The following ELN variants were observed in gnomAD, a reference collection of about 807,000 sequenced individuals.
ELN encodes the protein elastin, also known as tropoelastin.
Under a neutral mutation model 105.8 loss-of-function variants are expected in ELN, and 65 were observed. That is an observed-to-expected ratio of 0.61 (90% CI 0.50 to 0.75). The LOEUF (loss-of-function observed/expected upper bound fraction) is 0.75. ELN is among the 30% of genes least tolerant of loss of function. ELN has a pLI of 0.00. For missense variants in ELN, 882 were observed against 969.4 expected, an observed-to-expected ratio of 0.91 and a Z score of 1.20; for synonymous variants, 368 against 389.2, an observed-to-expected ratio of 0.95 and a Z score of 0.64.
At chr7:74,060,234 G>C in intron 24 of ELN, 50 bp downstream of exon 24, 1 of 1,614,024 alleles carries the variant, frequency 6.2e-7, no homozygotes, top group Non-Finnish European at 8.5e-7. Flanking sequence ...TCTCAGAGCT[G>C]GTTAGGGGCA....
intron 25 of ELN, 83 bp from the exon 26 acceptor site, chr7:74,061,018 G>T: frequency 6.4e-7 from 1 of 1,551,670 alleles, no homozygotes; most frequent in Non-Finnish European, 8.9e-7. Context: ...AGGAAGTCAG[G>T]GAGGGCTCTC....
chr7:74,042,307 A>G (rs1791417644), intron 5 of ELN, among the ~76,000 whole-genome samples: 1 of 151,912 alleles, frequency 6.6e-6, no homozygotes, highest in South Asian at 2.1e-4. Flanking sequence ...ATGCACCTGT[A>G]GTTCCACCTA....
At chr7:74,057,270 T>C (rs1263148374) in intron 21 of ELN, 1 of 839,096 alleles carries the variant, frequency 1.2e-6, no homozygotes. Context: ...AGAAAAAGAA[T>C]TGAAGGTGCC....
intron 29 of ELN, among the ~76,000 whole-genome samples, chr7:74,064,214 G>C (rs1470555281): frequency 2.6e-5 from 4 of 151,604 alleles, no homozygotes; most frequent in Non-Finnish European, 5.9e-5. Flanking sequence ...GTCAGATCAA[G>C]ACCATCCTGG....
intron 15 of ELN, among the ~76,000 whole-genome samples, chr7:74,050,594 CA>C (rs1447992404): frequency 6.6e-6 from 1 of 151,240 alleles, no homozygotes; most frequent in Non-Finnish European, 1.5e-5. Flanking sequence ...CCCATCCATC[CA>C]TTCACCCATG....
At chr7:74,037,520 C>A (rs782475023) in intron 3 of ELN, among the ~76,000 whole-genome samples, 187 bp from the exon 4 acceptor site, 6 of 152,192 alleles carry the variant, frequency 3.9e-5, no homozygotes, top group African/African-American at 9.7e-5. Flanking sequence ...GGCTGAGACT[C>A]TGGGACTCAG....
chr7:74,051,673 C>T (rs1291527854), intron 15 of ELN, 77 bp from the exon 16 acceptor site: 10 of 1,546,930 alleles, frequency 6.5e-6, no homozygotes, highest in East Asian at 2.3e-5. Flanking sequence ...GTGAAAACGC[C>T]GGCGTCTAAG....
At chr7:74,060,782 G>A (rs933704290) in intron 25 of ELN, among the ~76,000 whole-genome samples, 1 of 152,236 alleles carries the variant, frequency 6.6e-6, no homozygotes, top group Non-Finnish European at 1.5e-5. Context: ...GAAGGAGCAG[G>A]TAGATCAGCC....
At chr7:74,065,905 T>C (rs1164728869) in intron 30 of ELN, 39 bp from the exon 31 acceptor site, 2 of 1,614,024 alleles carry the variant, frequency 1.2e-6, no homozygotes, top group East Asian at 2.2e-5. Flanking sequence ...CTCTTCCCGA[T>C]GGGGGTGTCT....
At chr7:74,036,208 T>G (rs1789906231) in intron 2 of ELN, among the ~76,000 whole-genome samples, 1 of 151,592 alleles carries the variant, frequency 6.6e-6, no homozygotes, top group African/African-American at 2.4e-5. Flanking sequence ...GAGAATGATG[T>G]GATTGAACCC....
intron 11 of ELN, 41 bp from the exon 12 acceptor site, chr7:74,046,655 G>A (rs1554672372): frequency 6.2e-7 from 1 of 1,609,460 alleles, no homozygotes; most frequent in Non-Finnish European, 8.5e-7. Flanking sequence ...GGGTTTGGAA[G>A]GGGGTGCTGG....
intron 3 of ELN, among the ~76,000 whole-genome samples, chr7:74,037,494 CA>C (rs1790248559): frequency 6.6e-6 from 1 of 152,164 alleles, no homozygotes; most frequent in Admixed American, 6.5e-5. Flanking sequence ...ACCCCCAGCC[CA>C]TCATCCCCTT....
At chr7:74,056,626 C>T in intron 20 of ELN, 46 bp from the exon 21 acceptor site, 2 of 1,613,566 alleles carry the variant, frequency 1.2e-6, no homozygotes, top group African/African-American at 1.3e-5. Context: ...CGGAGGAGAC[C>T]CAGGCACGGC....
At position 74,063,017 on chromosome 7, in the gene ELN, TG is replaced by T; in HGVS notation, c.1787-134del. On this transcript the variant is annotated intron_variant, in intron 26 of 32. Transcript: ENST00000252034. The surrounding 1 kb of genome is among the most constrained non-coding windows in gnomAD (Gnocchi z 4.1). ...CCCCATCTCAAAATGAAACAAAATA[TG>T]GACTGGACTTCCTGTCCACTGCTCC... The T allele has an allele frequency of 8.9e-7, 1 of 1,124,252 alleles. No homozygotes were observed. Among genetic ancestry groups the T allele is most frequent in the Non-Finnish European group, 1.3e-6 (1 of 793,510 alleles). The allele number at this position is 1,124,252 out of a possible 1,614,324, so 69.6% of individuals were successfully genotyped here.
chr7:74,055,140 T>C (rs1262103368), intron 19 of ELN, among the ~76,000 whole-genome samples: 4 of 152,236 alleles, frequency 2.6e-5, no homozygotes, highest in Non-Finnish European at 5.9e-5. Context: ...AGAGGAGGAC[T>C]GAAGAGTGTC....
chr7:74,056,577 A>T, intron 20 of ELN, 95 bp from the exon 21 acceptor site: 1 of 1,605,472 alleles, frequency 6.2e-7, no homozygotes, highest in South Asian at 1.1e-5. Flanking sequence ...GGGAGGTCGT[A>T]TCCATGCCTT....
chr7:74,062,874 G>GCACAGTGGTT (rs1554685773), intron 26 of ELN, among the ~76,000 whole-genome samples: 1 of 152,084 alleles, frequency 6.6e-6, no homozygotes, highest in African/African-American at 2.4e-5. Flanking sequence ...TTAAGGCCAG[G>GCACAGTGGTT]CACAGTGGTT....
Position 74,046,550 on chromosome 7 carries a change from A to C in ELN, c.572-146A>C, listed in dbSNP as rs1253065586. The C allele has an allele frequency of 4.3e-5, 36 of 846,780 alleles. 1 individual carries two copies. The highest frequency in any genetic ancestry group is 3.5e-4 in the South Asian group (22 of 63,728). 52.5% of individuals were successfully genotyped at this position (846,780 alleles called of 1,614,324 possible). A position where few individuals can be genotyped will look rare whatever the true frequency, so the allele number is the denominator to read the frequency against. ...TCACTGGGAATTTCTCAACTGACCC[A>C]TGATGGAGATTCAGGGAGTCCCTCG... On this transcript the variant is annotated intron_variant, in intron 11 of 32. Coordinates refer to ENST00000252034, the MANE Select transcript of ELN (RefSeq NM_000501.4).
intron 15 of ELN, among the ~76,000 whole-genome samples, chr7:74,050,131 A>T (rs1283382114): frequency 1.4e-5 from 2 of 138,484 alleles, no homozygotes; most frequent in Non-Finnish European, 3.1e-5. Flanking sequence ...CCATTTCTCC[A>T]TGCATCCTTC....
Sources: allele counts gnomAD v4.1 joint callset (sites outside exome capture counted in the v4.1 genomes callset), GRCh38; gene constraint gnomAD v4.1.1; non-coding constraint Gnocchi (gnomAD v3.1); transcripts MANE v1.5; gene names NCBI Gene and HGNC (gene_info 2026-07-23, HGNC 2026-07-21).